NIN: variants seen among roughly 807,000 people sequenced by gnomAD.
The protein encoded by NIN is glycogen synthase kinase 3 beta-interacting protein.
In NIN, 137 loss-of-function variants were observed where a neutral mutation model predicts 257.6. The ratio of observed to expected loss-of-function variants is 0.53; its 90% CI spans 0.46 to 0.61. The LOEUF (loss-of-function observed/expected upper bound fraction) is 0.61, where lower values mean the gene tolerates loss of function less well. Ranked by LOEUF, NIN falls within the 20% of genes least tolerant of loss-of-function variation. The pLI, the probability that NIN is intolerant of heterozygous loss-of-function variation, is 0.00. For missense variants in NIN, 2,439 were observed against 2,501.2 expected, an observed-to-expected ratio of 0.98 and a Z score of 0.53; for synonymous variants, 918 against 919.8, an observed-to-expected ratio of 1.00 and a Z score of 0.04.
At chr14:50,763,717 T>G in intron 15 of NIN, 109 bp downstream of exon 15, 1 of 931,932 alleles carries the variant, frequency 1.1e-6, no homozygotes, top group Non-Finnish European at 1.6e-6. Context: ...CAAATTCTTT[T>G]TTTTTTTTTT....
intron 18 of NIN, among the ~76,000 whole-genome samples, chr14:50,755,209 A>AG (rs1171116601): frequency 6.6e-5 from 10 of 152,240 alleles, no homozygotes; most frequent in African/African-American, 2.4e-4. Flanking sequence ...CTCAAGTCCT[A>AG]CCTGTTCTGA....
At chr14:50,782,310 G>A (rs1273000905) in intron 5 of NIN, among the ~76,000 whole-genome samples, 1 of 152,082 alleles carries the variant, frequency 6.6e-6, no homozygotes, top group African/African-American at 2.4e-5. Flanking sequence ...CAAGGAGGAA[G>A]AAAAGCCATA....
At chr14:50,727,095 A>G in intron 29 of NIN, 5 of 316,180 alleles carry the variant, frequency 1.6e-5, no homozygotes, top group Non-Finnish European at 2.3e-5. Context: ...ATTTAAAAAA[A>G]AATAATAGCT....
At chr14:50,747,848 T>C (rs949311074) in intron 22 of NIN, 144 bp downstream of exon 22, 2 of 604,070 alleles carry the variant, frequency 3.3e-6, no homozygotes, top group East Asian at 2.7e-5. Flanking sequence ...GTCCTCAACT[T>C]TGCCAAGCAG....
chr14:50,801,210 C>G (rs2044088611), intron 4 of NIN, among the ~76,000 whole-genome samples: 1 of 151,656 alleles, frequency 6.6e-6, no homozygotes, highest in Non-Finnish European at 1.5e-5. Context: ...CCTGCCTCAG[C>G]CTCCCGAGTA....
At position 50,821,167 on chromosome 14, in the gene NIN, G is replaced by A. The variant is rs1957393; in HGVS notation, c.183+707C>T. Reference sequence around the variant, plus strand: ...ATTATAAATAAGGCAAATAATAAAAGCTATTAATTATAATGAGGAGAATTG... The same window carrying A: ...ATTATAAATAAGGCAAATAATAAAAACTATTAATTATAATGAGGAGAATTG... On this transcript the variant is annotated intron_variant, in intron 3 of 30. Coordinates refer to ENST00000530997, the MANE Select transcript of NIN (RefSeq NM_020921.4). Among the ~76,000 whole-genome samples, 356 of 152,186 alleles carry A rather than the reference G, an allele frequency of 2.3e-3. 5 individuals carry two copies. The highest frequency in any genetic ancestry group is 8.3e-3 in the African/African-American group (344 of 41,498).
chr14:50,813,949 G>A (rs2044757979), intron 3 of NIN, among the ~76,000 whole-genome samples: 1 of 152,136 alleles, frequency 6.6e-6, no homozygotes, highest in South Asian at 2.1e-4. Flanking sequence ...ACAGGAAAAT[G>A]CTTACAGCAT....
At position 50,758,599 on chromosome 14, in the gene NIN, T is replaced by C; in HGVS notation, c.2431A>G (p.Thr811Ala). 2 of 1,592,440 alleles carry C rather than the reference T, an allele frequency of 1.3e-6. No individual in the cohort carries two copies. Among genetic ancestry groups the C allele is most frequent in the Middle Eastern group, 1.7e-4 (1 of 5,948 alleles). Reference sequence around the variant, plus strand: ...TGAAACTGGGCTTCTATTTGAGAGGTTCTTCTATTACACTCTGTTTCCATT... The same window carrying C: ...TGAAACTGGGCTTCTATTTGAGAGGCTCTTCTATTACACTCTGTTTCCATT... ...EKMETECNRR[T>A]SQIEAQFQSD... Residue 811 changes from threonine to alanine, a missense_variant, in exon 18 of 31, where the codon ACC (threonine) becomes GCC (alanine). This residue lies in a region of NIN where 2,043 missense variants were observed against 2,050.2 expected (regional missense o/e 1.00). Coordinates refer to ENST00000530997, the MANE Select transcript of NIN (RefSeq NM_020921.4).
At chr14:50,780,974 T>A (rs2043112870) in intron 5 of NIN, among the ~76,000 whole-genome samples, 1 of 152,208 alleles carries the variant, frequency 6.6e-6, no homozygotes. Flanking sequence ...CAGTCCTTCA[T>A]AAATTTTCTT....
chr14:50,739,295 C>T lies in NIN; in HGVS notation c.5628+13G>A. 1 of 1,612,658 alleles carries T rather than the reference C, an allele frequency of 6.2e-7. No individual in the cohort carries two copies. The highest frequency in any genetic ancestry group is 8.5e-7 in the Non-Finnish European group (1 of 1,179,070). On this transcript the variant is annotated intron_variant, in intron 26 of 30. Coordinates refer to ENST00000530997, the MANE Select transcript of NIN (RefSeq NM_020921.4). ...TTCAAACATATGCCATGATGTGCAG[C>T]TTCTCCAATTACCTTCTCCCGGGAG...
intron 25 of NIN, among the ~76,000 whole-genome samples, chr14:50,740,530 A>G (rs2041231918): frequency 1.3e-5 from 2 of 151,478 alleles, no homozygotes; most frequent in Admixed American, 6.6e-5. Flanking sequence ...TTTTATTTTT[A>G]GTAGAGATGG....
intron 25 of NIN, 80 bp downstream of exon 25, chr14:50,741,502 A>AT (rs1724521446): frequency 1.8e-6 from 2 of 1,124,480 alleles, no homozygotes; most frequent in Non-Finnish European, 2.4e-6. Context: ...ACATATACAC[A>AT]TAAAAATAAC....
chr14:50,740,535 A>C (rs2041232558), intron 25 of NIN, among the ~76,000 whole-genome samples: 1 of 152,032 alleles, frequency 6.6e-6, no homozygotes, highest in Non-Finnish European at 1.5e-5. Flanking sequence ...TTTTTAGTAG[A>C]GATGGGGTTT....
intron 2 of NIN, among the ~76,000 whole-genome samples, chr14:50,826,564 G>A (rs1374828550): frequency 6.6e-6 from 1 of 152,168 alleles, no homozygotes; most frequent in African/African-American, 2.4e-5. Flanking sequence ...AACTAAATAG[G>A]TGGAGGTGTG....
In NIN at chr14:50,729,533, T is replaced by C. The variant is rs61747997; in HGVS notation, c.6068A>G (p.Asn2023Ser). 1.1e-3 allele frequency: 1,809 copies of C among 1,613,696 alleles called. 20 individuals are homozygous for C. The African/African-American group carries it at 0.021, about 18-fold the overall frequency. Residue 2023 changes from asparagine (N) to serine (S), a missense_variant, in exon 29 of 31, where the codon AAC becomes AGC. Asn to Ser is a conservative substitution (Grantham distance 46). Transcript: ENST00000530997. The stretch of plus-strand genomic sequence containing the variant: ...GAGAGAGCTTCATACCTGTGGTGTG[T>C]TGGTTTCGGAGGTCCTGTTTTCAAG... Reference protein sequence around the residue: ...EELENRTSETNTPQGNQEQLV... With the variant: ...EELENRTSETSTPQGNQEQLV...
chr14:50,766,398 T>C lies in NIN; in HGVS notation c.1546-2A>G. On this transcript the variant is annotated splice_acceptor_variant, in intron 13 of 30. Transcript: ENST00000530997. LOFTEE classifies it high-confidence loss of function. ...ACTGCTAGGATCGAGGTCACCAAACTAGAAGGGGAAAAGGGCAAAGCTGTC... is the reference window on the plus strand; with the variant it reads ...ACTGCTAGGATCGAGGTCACCAAACCAGAAGGGGAAAAGGGCAAAGCTGTC... 6.2e-7 allele frequency: 1 copy of C among 1,613,940 alleles called. No individual in the cohort carries two copies. The highest frequency in any genetic ancestry group is 8.5e-7 in the Non-Finnish European group (1 of 1,179,850).
intron 30 of NIN, among the ~76,000 whole-genome samples, chr14:50,724,921 G>A (rs907763032): frequency 6.6e-6 from 1 of 152,136 alleles, no homozygotes; most frequent in African/African-American, 2.4e-5. Flanking sequence ...AAAACAGGAC[G>A]GATCCCACTT....
intron 27 of NIN, 103 bp downstream of exon 27, chr14:50,738,037 G>T: frequency 8.7e-7 from 1 of 1,148,004 alleles, no homozygotes; most frequent in Non-Finnish European, 1.2e-6. Context: ...GCCAAAATAT[G>T]CCATCGTAAT....
At position 50,760,361 on chromosome 14, in the gene NIN, T is replaced by TG; in HGVS notation, c.1897-3dup. The TG allele has an allele frequency of 6.3e-7, 1 of 1,598,086 alleles. No homozygotes were observed. The highest frequency in any genetic ancestry group is 8.5e-7 in the Non-Finnish European group (1 of 1,176,860). ...CAGCTGCTTTTCATAATGGCGCACC[T>TG]GAAGGCACAGAGTGACACCACCACA... On this transcript the variant is annotated splice_polypyrimidine_tract_variant and splice_region_variant and intron_variant, in intron 16 of 30. Coordinates refer to ENST00000530997, the MANE Select transcript of NIN (RefSeq NM_020921.4).
Sources: gnomAD v4.1 joint callset for allele counts (sites outside exome capture counted in the v4.1 genomes callset) on GRCh38, gnomAD v4.1.1 for gene constraint, gnomAD v4.1.1 regional missense constraint, MANE v1.5 for transcripts, NCBI Gene and HGNC (gene_info 2026-07-23, HGNC 2026-07-21) for gene names.